Variants in PLCB1 observed in about 807,000 individuals in gnomAD.
The protein encoded by PLCB1 is 1-phosphatidylinositol 4,5-bisphosphate phosphodiesterase beta-1.
Under a neutral mutation model 161.8 loss-of-function variants are expected in PLCB1, and 46 were observed. The ratio of observed to expected loss-of-function variants is 0.28; its 90% confidence interval spans 0.22 to 0.36. The LOEUF is 0.36. PLCB1 is among the 10% of genes least tolerant of loss of function. The pLI, the probability that PLCB1 is intolerant of heterozygous loss-of-function variation, is 1.00. For missense variants in PLCB1, 1,016 were observed against 1,472.5 expected (o/e 0.69, Z 5.07); for synonymous variants, 517 against 503.7 (o/e 1.03, Z -0.35).
At chr20:8,181,234 A>G (rs2051839971) in intron 2 of PLCB1, among the ~76,000 whole-genome samples, 1 of 143,812 alleles carries the variant, frequency 7.0e-6, no homozygotes, top group Admixed American at 6.9e-5. Context: ...GGCCGATAGA[A>G]TGAGACTCTG....
chr20:8,537,354 A>C (rs560154573), intron 3 of PLCB1, among the ~76,000 whole-genome samples: 1 of 152,182 alleles, frequency 6.6e-6, no homozygotes, highest in East Asian at 1.9e-4. Flanking sequence ...TATACCAGTT[A>C]AACTTTGCCA....
intron 3 of PLCB1, among the ~76,000 whole-genome samples, chr20:8,466,302 TA>T (rs1443636345): frequency 7.3e-6 from 1 of 136,412 alleles, no homozygotes; most frequent in African/African-American, 2.8e-5. Context: ...GGAAGGGGAA[TA>T]TCACACTCTG....
chr20:8,588,406 A>T (rs1006756114), intron 3 of PLCB1, among the ~76,000 whole-genome samples: 1 of 152,180 alleles, frequency 6.6e-6, no homozygotes, highest in African/African-American at 2.4e-5. Context: ...TATATAGCCA[A>T]TGTTAGGAAC....
intron 2 of PLCB1, among the ~76,000 whole-genome samples, chr20:8,329,708 A>G (rs1172735240): frequency 2.0e-5 from 3 of 152,094 alleles, no homozygotes; most frequent in South Asian, 4.1e-4. Context: ...GCTTTTCAGC[A>G]TTGCTCTCTT....
At chr20:8,731,721 G>A (rs1389626644) in intron 18 of PLCB1, among the ~76,000 whole-genome samples, 2 of 151,784 alleles carry the variant, frequency 1.3e-5, no homozygotes, top group Non-Finnish European at 2.9e-5. Context: ...TCCCAAAATA[G>A]GCTCTACTTA....
At chr20:8,767,780 G>A (rs764312775) in intron 26 of PLCB1, among the ~76,000 whole-genome samples, 9 of 152,156 alleles carry the variant, frequency 5.9e-5, no homozygotes, top group Non-Finnish European at 1.2e-4. Context: ...AAAGTACTGG[G>A]CATATGTGTC....
At chr20:8,794,668 T>G (rs1318463760) in intron 31 of PLCB1, among the ~76,000 whole-genome samples, 2 of 152,228 alleles carry the variant, frequency 1.3e-5, no homozygotes, top group Non-Finnish European at 2.9e-5. Context: ...AATCTTGTCT[T>G]AACAGGGAGG....
intron 14 of PLCB1, among the ~76,000 whole-genome samples, chr20:8,721,089 T>C (rs1979605645): frequency 6.6e-6 from 1 of 152,202 alleles, no homozygotes; most frequent in Non-Finnish European, 1.5e-5. Context: ...CCCAGAAATC[T>C]TTTTTCCCCT....
chr20:8,781,786 C>T (rs942143763), intron 27 of PLCB1, among the ~76,000 whole-genome samples: 3 of 152,136 alleles, frequency 2.0e-5, no homozygotes, highest in Non-Finnish European at 4.4e-5. Context: ...GCAAAGAGAA[C>T]TTGTGCAGGG....
intron 26 of PLCB1, among the ~76,000 whole-genome samples, chr20:8,774,040 G>A (rs1194721434): frequency 6.8e-6 from 1 of 147,658 alleles, no homozygotes; most frequent in Admixed American, 6.6e-5. Context: ...TCTGCACACG[G>A]CATCTACACG....
At chr20:8,147,904 G>T (rs1300557030) in intron 1 of PLCB1, among the ~76,000 whole-genome samples, 1 of 133,542 alleles carries the variant, frequency 7.5e-6, no homozygotes, top group Non-Finnish European at 1.5e-5. Flanking sequence ...ACGGCGTCTC[G>T]CTCTGTCACC....
At chr20:8,856,239 A>G (rs1431760205) in intron 31 of PLCB1, among the ~76,000 whole-genome samples, 2 of 152,156 alleles carry the variant, frequency 1.3e-5, no homozygotes, top group African/African-American at 4.8e-5. Context: ...AGTTGTTTTA[A>G]CTTCATAAAA....
At chr20:8,458,434 G>T (rs1039014093) in intron 3 of PLCB1, among the ~76,000 whole-genome samples, 2 of 152,022 alleles carry the variant, frequency 1.3e-5, no homozygotes, top group African/African-American at 2.4e-5. Flanking sequence ...AATGTCCTAG[G>T]TTCTTTATCT....
chr20:8,446,343 T>G, intron 3 of PLCB1, among the ~76,000 whole-genome samples: 1 of 152,188 alleles, frequency 6.6e-6, no homozygotes, highest in Non-Finnish European at 1.5e-5. Context: ...AAAAGCCCTT[T>G]GACACAATTC....
chr20:8,645,957 A>G (rs1274970393), intron 4 of PLCB1, 145 bp from the exon 5 acceptor site: 4 of 552,896 alleles, frequency 7.2e-6, no homozygotes, highest in Non-Finnish European at 1.3e-5. Context: ...TTTTTACCCA[A>G]AAAAGGGATA....
chr20:8,593,656 T>C (rs1987226852), intron 3 of PLCB1, among the ~76,000 whole-genome samples: 1 of 151,990 alleles, frequency 6.6e-6, no homozygotes, highest in African/African-American at 2.4e-5. Context: ...GATTTTTTAT[T>C]TTTATTTTTT....
At chr20:8,379,730 C>T (rs540442986) in intron 3 of PLCB1, among the ~76,000 whole-genome samples, 1 of 152,160 alleles carries the variant, frequency 6.6e-6, no homozygotes, top group Non-Finnish European at 1.5e-5. Context: ...TCATATGTTT[C>T]TTGGCTGCAT....
At chr20:8,339,567 T>C (rs1470708127) in intron 2 of PLCB1, among the ~76,000 whole-genome samples, 1 of 152,242 alleles carries the variant, frequency 6.6e-6, no homozygotes, top group African/African-American at 2.4e-5. Context: ...CGGGACTGGC[T>C]TTCAGCCCAC....
intron 31 of PLCB1, among the ~76,000 whole-genome samples, chr20:8,842,961 G>A (rs1014948198): frequency 2.0e-5 from 3 of 152,108 alleles, no homozygotes; most frequent in Non-Finnish European, 4.4e-5. Context: ...AATATGATGG[G>A]TGGTTGCCTC....
Sources: allele counts gnomAD v4.1 joint callset (sites outside exome capture counted in the v4.1 genomes callset), GRCh38; gene constraint gnomAD v4.1.1; transcripts MANE v1.5; gene names NCBI Gene and HGNC (gene_info 2026-07-23, HGNC 2026-07-21).